Variants in ERC2 observed in about 807,000 individuals in gnomAD.
ERC2 encodes ELKS/RAB6-interacting/CAST family member 2.
In ERC2, 42 loss-of-function variants were observed where a neutral mutation model predicts 114.8. That is an observed-to-expected ratio of 0.37 (90% CI 0.29 to 0.47). ERC2 has a LOEUF of 0.47. Among genes scored for constraint, ERC2 ranks in the 20% least tolerant of loss-of-function variants. The pLI is 0.99. For synonymous variants in ERC2, 454 were observed against 425.5 expected, an observed-to-expected ratio of 1.07 and a Z score of -0.82; for missense variants, 939 against 1,150.7, an observed-to-expected ratio of 0.82 and a Z score of 2.66.
chr3:56,404,688 T>C (rs2060644412), intron 2 of ERC2, among the ~76,000 whole-genome samples: 1 of 151,448 alleles, frequency 6.6e-6, no homozygotes, highest in Non-Finnish European at 1.5e-5. Context: ...CATAAACATA[T>C]ACACCTACTA....
intron 6 of ERC2, among the ~76,000 whole-genome samples, chr3:56,085,458 C>T (rs2077454657): frequency 6.6e-6 from 1 of 152,148 alleles, no homozygotes; most frequent in Admixed American, 6.5e-5. Context: ...AGCTGTGCCC[C>T]TTCTCACATA....
intron 17 of ERC2, among the ~76,000 whole-genome samples, chr3:55,616,427 G>A (rs1188520471): frequency 6.6e-6 from 1 of 151,994 alleles, no homozygotes; most frequent in Admixed American, 6.6e-5. Flanking sequence ...TTATATTTCA[G>A]TAACACCCTA....
At chr3:55,706,543 C>G (rs1461586880) in intron 15 of ERC2, among the ~76,000 whole-genome samples, 1 of 151,840 alleles carries the variant, frequency 6.6e-6, no homozygotes, top group East Asian at 1.9e-4. Context: ...ATTCCAGGTG[C>G]CTTCCACCAC....
At chr3:55,569,426 G>A (rs1317581772) in intron 17 of ERC2, among the ~76,000 whole-genome samples, 3 of 152,172 alleles carry the variant, frequency 2.0e-5, no homozygotes, top group East Asian at 3.9e-4. Flanking sequence ...CAGGGAAGAG[G>A]CATGCGCTGC....
At chr3:55,942,312 G>A (rs1335213212) in intron 13 of ERC2, among the ~76,000 whole-genome samples, 5 of 107,292 alleles carry the variant, frequency 4.7e-5, no homozygotes, top group South Asian at 6.2e-4. Context: ...TTGTTGAGAC[G>A]GAGTCTCGCT....
intron 3 of ERC2, among the ~76,000 whole-genome samples, chr3:56,179,636 T>G (rs182133281): frequency 6.6e-6 from 1 of 151,974 alleles, no homozygotes; most frequent in Non-Finnish European, 1.5e-5. Flanking sequence ...GGCTTCCTGA[T>G]AGATTGCCTG....
intron 6 of ERC2, among the ~76,000 whole-genome samples, chr3:56,094,633 T>C (rs2077960332): frequency 6.6e-6 from 1 of 152,180 alleles, no homozygotes. Context: ...TGTCAGGAGG[T>C]GAATGATCCA....
At chr3:55,729,715 G>A (rs903742582) in intron 15 of ERC2, among the ~76,000 whole-genome samples, 2 of 151,672 alleles carry the variant, frequency 1.3e-5, no homozygotes, top group South Asian at 2.1e-4. Context: ...GTGCACAGCT[G>A]TAGTCCCAGC....
At chr3:55,577,931 A>G (rs2057069173) in intron 17 of ERC2, among the ~76,000 whole-genome samples, 1 of 152,204 alleles carries the variant, frequency 6.6e-6, no homozygotes, top group South Asian at 2.1e-4. Context: ...AGTATTTACT[A>G]AGGCCCTACT....
At chr3:56,099,207 C>G (rs1033073885) in intron 6 of ERC2, among the ~76,000 whole-genome samples, 1 of 152,172 alleles carries the variant, frequency 6.6e-6, no homozygotes, top group Non-Finnish European at 1.5e-5. Context: ...CAGGAGGATT[C>G]TCCCTTAGAG....
chr3:56,434,797 C>G lies in ERC2; in HGVS notation c.211G>C (p.Ala71Pro). Residue 71 changes from alanine (A) to proline (P), a missense_variant, in exon 2 of 18, where the codon GCT (alanine) becomes CCT (proline). Transcript: ENST00000288221. ...GTGCCCTTTGGGTAGGTTGTTGAAGCCACCCCTTCATGATCACTCAGATAC... is the reference window on the plus strand; with the variant it reads ...GTGCCCTTTGGGTAGGTTGTTGAAGGCACCCCTTCATGATCACTCAGATAC... ...PMYLSDHEGV[A>P]STTYPKGTMT... The G allele has an allele frequency of 6.2e-7, 1 of 1,613,950 alleles. No individual in the cohort carries two copies. The highest frequency in any genetic ancestry group is 8.5e-7 in the Non-Finnish European group (1 of 1,179,894).
intron 3 of ERC2, among the ~76,000 whole-genome samples, chr3:56,245,490 ATGTGTGTGTGTGTGGTATGT>A (rs1444498779): frequency 1.4e-5 from 2 of 139,346 alleles, no homozygotes; most frequent in Non-Finnish European, 3.1e-5. Context: ...AGACGTATGT[ATGTGTGTGTGTGTGGTATGT>A]TGTGTGTGTG....
chr3:56,240,083 T>C (rs2051226547), intron 3 of ERC2, among the ~76,000 whole-genome samples: 1 of 152,178 alleles, frequency 6.6e-6, no homozygotes, highest in Admixed American at 6.5e-5. Flanking sequence ...CCAAGAGCAA[T>C]GAAATAAAAA....
At chr3:56,421,669 G>A (rs1456153370) in intron 2 of ERC2, among the ~76,000 whole-genome samples, 1 of 152,186 alleles carries the variant, frequency 6.6e-6, no homozygotes, top group African/African-American at 2.4e-5. Context: ...GTGTATGTGT[G>A]TATAGGAGAG....
chr3:56,308,953 G>A (rs541304689), intron 2 of ERC2, among the ~76,000 whole-genome samples: 3 of 152,110 alleles, frequency 2.0e-5, no homozygotes, highest in African/African-American at 4.8e-5. Context: ...TAATTAATGT[G>A]AAGGGCAGGT....
chr3:55,787,441 T>C (rs1352986854), intron 14 of ERC2, among the ~76,000 whole-genome samples: 1 of 152,114 alleles, frequency 6.6e-6, no homozygotes, highest in Non-Finnish European at 1.5e-5. Flanking sequence ...ATGGTATTTA[T>C]TTATTAATAC....
At chr3:55,864,630 A>G (rs1218949472) in intron 14 of ERC2, among the ~76,000 whole-genome samples, 1 of 152,192 alleles carries the variant, frequency 6.6e-6, no homozygotes, top group Non-Finnish European at 1.5e-5. Context: ...GCACTGGCCA[A>G]TGATAGGTGC....
At chr3:55,707,433 T>G (rs1369324428) in intron 15 of ERC2, among the ~76,000 whole-genome samples, 1 of 108,948 alleles carries the variant, frequency 9.2e-6, no homozygotes, top group Non-Finnish European at 2.3e-5. Context: ...AATGAGATCT[T>G]GTCTCAAAAA....
intron 2 of ERC2, among the ~76,000 whole-genome samples, chr3:56,316,530 G>T (rs1469975619): frequency 6.6e-6 from 1 of 152,102 alleles, no homozygotes; most frequent in African/African-American, 2.4e-5. Flanking sequence ...TTAATCTCTG[G>T]AAAGTTGTTT....
Sources: allele counts gnomAD v4.1 joint callset (sites outside exome capture counted in the v4.1 genomes callset), GRCh38; gene constraint gnomAD v4.1.1; transcripts MANE v1.5; gene names NCBI Gene and HGNC (gene_info 2026-07-23, HGNC 2026-07-21).